The following CFAP61 variants were observed in gnomAD, a reference collection of about 807,000 sequenced individuals.
CFAP61 encodes cilia and flagella associated protein 61.
A neutral mutation model predicts 135.6 loss-of-function variants in CFAP61; 107 were observed. The ratio of observed to expected loss-of-function variants is 0.79; its 90% CI spans 0.67 to 0.93. The LOEUF (loss-of-function observed/expected upper bound fraction) is 0.93. Ranked by LOEUF, CFAP61 falls within the 40% of genes least tolerant of loss-of-function variation. The probability of loss-of-function intolerance (pLI) is 0.00; values close to 1 mark genes in which losing one functional copy is unlikely to be tolerated. For missense variants in CFAP61, 1,507 were observed against 1,556.2 expected (o/e 0.97, Z 0.53); for synonymous variants, 575 against 578.5 (o/e 0.99, Z 0.09).
chr20:20,137,957 G>T (rs956731918), intron 8 of CFAP61, among the ~76,000 whole-genome samples: 2 of 152,140 alleles, frequency 1.3e-5, no homozygotes, highest in Non-Finnish European at 2.9e-5. Context: ...GGGCTCTTTA[G>T]TCACCACATG....
At chr20:20,269,164 CAT>C (rs1555941609) in intron 21 of CFAP61, among the ~76,000 whole-genome samples, 34 of 112,532 alleles carry the variant, frequency 3.0e-4, no homozygotes, top group East Asian at 4.3e-4. Context: ...CACACACACA[CAT>C]ACATATATGT....
At chr20:20,155,702 A>G (rs1021715114) in intron 9 of CFAP61, among the ~76,000 whole-genome samples, 3 of 152,208 alleles carry the variant, frequency 2.0e-5, no homozygotes, top group African/African-American at 7.2e-5. Flanking sequence ...GGAAATGAAA[A>G]TCAAAACCAC....
At chr20:20,146,186 T>G (rs1386732483) in intron 9 of CFAP61, among the ~76,000 whole-genome samples, 1 of 151,610 alleles carries the variant, frequency 6.6e-6, no homozygotes, top group Non-Finnish European at 1.5e-5. Flanking sequence ...CATGAGTGAA[T>G]AATAATAGAA....
chr20:20,084,605 A>G (rs1247253661), intron 6 of CFAP61, among the ~76,000 whole-genome samples: 1 of 152,156 alleles, frequency 6.6e-6, no homozygotes, highest in African/African-American at 2.4e-5. Context: ...GAGGTGATGA[A>G]GCAATGTCAG....
chr20:20,317,646 T>C (rs989560809), intron 25 of CFAP61, among the ~76,000 whole-genome samples: 3 of 152,168 alleles, frequency 2.0e-5, no homozygotes, highest in Non-Finnish European at 4.4e-5. Flanking sequence ...GTGCCACTCT[T>C]TGGATCCCAC....
At chr20:20,180,343 A>G (rs891100777) in intron 13 of CFAP61, among the ~76,000 whole-genome samples, 21 of 152,204 alleles carry the variant, frequency 1.4e-4, no homozygotes, top group African/African-American at 4.3e-4. Flanking sequence ...AGAAAAAAAA[A>G]AAACTGGGCA....
chr20:20,294,654 C>T (rs886521119), intron 24 of CFAP61, among the ~76,000 whole-genome samples: 23 of 152,212 alleles, frequency 1.5e-4, no homozygotes, highest in African/African-American at 4.8e-4. Context: ...AAAGGTCGGG[C>T]GCGGTGGCTC....
chr20:20,134,269 G>C (rs1387058980), intron 8 of CFAP61, among the ~76,000 whole-genome samples: 1 of 152,164 alleles, frequency 6.6e-6, no homozygotes, highest in Non-Finnish European at 1.5e-5. Flanking sequence ...AGGTGAATAA[G>C]CAGAAAGATT....
intron 17 of CFAP61, among the ~76,000 whole-genome samples, chr20:20,226,454 A>G (rs1316538187): frequency 6.6e-6 from 1 of 152,204 alleles, no homozygotes; most frequent in East Asian, 1.9e-4. Flanking sequence ...AATAAGTGAC[A>G]GTTGTTTTAA....
rs955353833 is a variant in CFAP61, at chr20:20,359,138, A to C, written c.3514-1072A>C. 6.6e-6 allele frequency among the ~76,000 whole-genome samples: 1 copy of C among 152,128 alleles called. No homozygotes were observed. Among genetic ancestry groups the C allele is most frequent in the African/African-American group, 2.4e-5 (1 of 41,416 alleles). On this transcript the variant is annotated intron_variant, in intron 26 of 26. Coordinates refer to ENST00000245957, the MANE Select transcript of CFAP61 (RefSeq NM_015585.4). This position sits in a 1 kb window ranked among gnomAD's most constrained non-coding sequence, Gnocchi z 4.0. ...ATTTTTATAATGAAATGTTAGGAAA[A>C]TCTCTACTACACTGTACCTATGTGC...
In CFAP61 at chr20:20,142,839, C is replaced by T. The variant is rs1280076531; in HGVS notation, c.860-18C>T. 1.4e-6 allele frequency: 2 copies of T among 1,447,456 alleles called. No individual in the cohort carries two copies. Among genetic ancestry groups the T allele is most frequent in the Non-Finnish European group, 1.9e-6 (2 of 1,036,756 alleles). The allele number at this position is 1,447,456 out of a possible 1,614,324, so 89.7% of individuals were successfully genotyped here. A position where few individuals can be genotyped will look rare whatever the true frequency, so the allele number is the denominator to read the frequency against. On this transcript the variant is annotated intron_variant, in intron 8 of 26. Transcript: ENST00000245957. The stretch of plus-strand genomic sequence containing the variant: ...TTATCATCTATTTTCTGTCATTATT[C>T]TATCCCTTCTCTCAAAGATGCTGAG...
chr20:20,285,301 T>C (rs1569242001), intron 22 of CFAP61, among the ~76,000 whole-genome samples: 2 of 151,742 alleles, frequency 1.3e-5, no homozygotes, highest in South Asian at 2.1e-4. Flanking sequence ...TTTTAATTTG[T>C]CTTGTTTGGC....
At chr20:20,255,198 T>C (rs1217324695) in intron 20 of CFAP61, among the ~76,000 whole-genome samples, 2 of 152,336 alleles carry the variant, frequency 1.3e-5, no homozygotes, top group East Asian at 1.9e-4. Context: ...ATCATTTTTG[T>C]TGGCAAACAC....
At chr20:20,196,447 T>C in intron 15 of CFAP61, 123 bp from the exon 16 acceptor site, 2 of 711,866 alleles carry the variant, frequency 2.8e-6, no homozygotes. Context: ...GTGGCAAATA[T>C]GGAAGAGAAA....
At chr20:20,074,461 T>C in intron 4 of CFAP61, 83 bp downstream of exon 4, 1 of 1,192,844 alleles carries the variant, frequency 8.4e-7, no homozygotes, top group Non-Finnish European at 1.2e-6. Context: ...GACATGAAAT[T>C]CTTTGGGGTG....
intron 14 of CFAP61, among the ~76,000 whole-genome samples, chr20:20,189,237 A>G (rs1405304491): frequency 6.8e-6 from 1 of 147,328 alleles, no homozygotes; most frequent in African/African-American, 2.5e-5. Flanking sequence ...TTGAAATAAA[A>G]CTTCCCTTCA....
At chr20:20,265,982 A>G (rs2052704738) in intron 21 of CFAP61, 1 of 155,268 alleles carries the variant, frequency 6.4e-6, no homozygotes, top group Admixed American at 6.4e-5. Flanking sequence ...TAGGACAGAA[A>G]GCCCGTCCCC....
chr20:20,312,951 TTAAC>T (rs2056916420), intron 25 of CFAP61, among the ~76,000 whole-genome samples: 1 of 152,200 alleles, frequency 6.6e-6, no homozygotes, highest in South Asian at 2.1e-4. Flanking sequence ...ATCTCATTAT[TTAAC>T]TATTTAATTT....
At chr20:20,248,774 T>C (rs1416200383) in intron 19 of CFAP61, among the ~76,000 whole-genome samples, 1 of 152,216 alleles carries the variant, frequency 6.6e-6, no homozygotes. Flanking sequence ...TGCTTCTAAC[T>C]GCACACCTGG....
Sources: allele counts gnomAD v4.1 joint callset (sites outside exome capture counted in the v4.1 genomes callset), GRCh38; gene constraint gnomAD v4.1.1; non-coding constraint Gnocchi (gnomAD v3.1); transcripts MANE v1.5; gene names NCBI Gene and HGNC (gene_info 2026-07-23, HGNC 2026-07-21).